Variants in PYY observed in about 807,000 individuals in gnomAD.
PYY encodes the protein peptide tyrosine tyrosine.
In PYY, 12 loss-of-function variants were observed where a neutral mutation model predicts 10.3. The ratio of observed to expected loss-of-function variants is 1.17; its 90% CI spans 0.75 to 1.89. PYY has a LOEUF of 1.89. Ranked by LOEUF, PYY falls within the 40% of genes most tolerant of loss-of-function variation. The pLI, the probability that PYY is intolerant of heterozygous loss-of-function variation, is 0.00. For synonymous variants in PYY, 66 were observed against 62.0 expected, an observed-to-expected ratio of 1.06 and a Z score of -0.30; for missense variants, 141 against 134.0, an observed-to-expected ratio of 1.05 and a Z score of -0.26.
At chr17:44,002,639 T>C (rs1003762309) in intron 1 of PYY, among the ~76,000 whole-genome samples, 8 of 152,238 alleles carry the variant, frequency 5.3e-5, no homozygotes, top group Admixed American at 4.6e-4. Flanking sequence ...TTCAACTCCT[T>C]TCCAAAACTT....
intron 1 of PYY, among the ~76,000 whole-genome samples, chr17:44,004,232 C>G (rs1205747555): frequency 6.7e-6 from 1 of 148,244 alleles, no homozygotes; most frequent in East Asian, 2.0e-4. Flanking sequence ...CACCCGCCCC[C>G]GCCCTCCCAC....
At chr17:43,997,019 A>T (rs1684659) in intron 1 of PYY, among the ~76,000 whole-genome samples, 149,823 of 151,816 alleles carry the variant, frequency 0.99, 73,948 homozygotes, top group Middle Eastern at 1. Flanking sequence ...TTTTGGGGTG[A>T]TGTTGTTGTT....
intron 2 of PYY, among the ~76,000 whole-genome samples, chr17:43,959,885 T>C (rs1487076176): frequency 6.6e-6 from 1 of 152,174 alleles, no homozygotes; most frequent in African/African-American, 2.4e-5. Flanking sequence ...GAAACTCAAG[T>C]CCTGAAAGAG....
At chr17:43,967,683 C>T (rs1403262695) in intron 1 of PYY, among the ~76,000 whole-genome samples, 1 of 152,226 alleles carries the variant, frequency 6.6e-6, no homozygotes, top group Non-Finnish European at 1.5e-5. Context: ...CCTGTCTCTC[C>T]TGCTGAATGC....
In PYY at chr17:43,975,715, G is replaced by GA. The variant is rs1173879627; in HGVS notation, c.-462-9184dup. ...GCCTGGGTGACAGGAGTAAGACCCTGAAAAAAAAAAATATATATATATATA... is the reference window on the plus strand; with the variant it reads ...GCCTGGGTGACAGGAGTAAGACCCTGAAAAAAAAAAAATATATATATATATA... On this transcript the variant is annotated intron_variant, in intron 1 of 6. Transcript: ENST00000360085. Among the ~76,000 whole-genome samples, 177 of 67,688 alleles carry GA rather than the reference G, an allele frequency of 2.6e-3. 30 individuals are homozygous for GA. Among genetic ancestry groups the GA allele is most frequent in the African/African-American group, 8.4e-3 (117 of 13,852 alleles). 44.4% of individuals were successfully genotyped at this position (67,688 alleles called of 152,430 possible).
At chr17:43,978,251 A>C (rs569132125) in intron 1 of PYY, among the ~76,000 whole-genome samples, 1 of 150,632 alleles carries the variant, frequency 6.6e-6, no homozygotes, top group Non-Finnish European at 1.5e-5. Flanking sequence ...GAAAGAAGGA[A>C]AGAAAGAGAA....
At chr17:43,991,350 G>C (rs558092781) in intron 1 of PYY, among the ~76,000 whole-genome samples, 19 of 152,234 alleles carry the variant, frequency 1.2e-4, no homozygotes, top group Admixed American at 4.6e-4. Flanking sequence ...AGAAACACTT[G>C]AACCCAGGAG....
At chr17:43,958,384 G>A (rs1199387977), upstream of PYY, among the ~76,000 whole-genome samples, 2 of 151,180 alleles carry the variant, frequency 1.3e-5, no homozygotes, top group African/African-American at 4.9e-5. Context: ...GACCTAAAAG[G>A]CATTTTTTTT....
At chr17:43,977,848 C>T (rs2048858844) in intron 1 of PYY, among the ~76,000 whole-genome samples, 2 of 152,246 alleles carry the variant, frequency 1.3e-5, no homozygotes, top group East Asian at 3.9e-4. Context: ...AAACGGGGTT[C>T]CTCAGTGAGC....
chr17:43,984,156 A>AG (rs920688643), intron 1 of PYY, among the ~76,000 whole-genome samples: 3 of 135,018 alleles, frequency 2.2e-5, no homozygotes, highest in East Asian at 5.2e-4. Context: ...GGTCGCTGTT[A>AG]GGGGGGGCGC....
intron 1 of PYY, among the ~76,000 whole-genome samples, chr17:43,993,044 C>T (rs529420269): frequency 2.0e-5 from 3 of 151,966 alleles, no homozygotes; most frequent in South Asian, 2.1e-4. Flanking sequence ...CCGGGCGCTG[C>T]GACGCACACC....
At chr17:43,993,643 G>T (rs2048972412) in intron 1 of PYY, among the ~76,000 whole-genome samples, 1 of 151,472 alleles carries the variant, frequency 6.6e-6, no homozygotes, top group South Asian at 2.1e-4. Flanking sequence ...AAAAAATGCT[G>T]TGACATACTG....
intron 1 of PYY, among the ~76,000 whole-genome samples, chr17:43,967,415 C>T (rs1177221893): frequency 2.0e-5 from 3 of 152,286 alleles, no homozygotes; most frequent in African/African-American, 7.2e-5. Context: ...CAGGCGAGCC[C>T]CATACCTCAC....
At chr17:43,956,091 A>G (rs1250919002), upstream of PYY, among the ~76,000 whole-genome samples, 1 of 152,118 alleles carries the variant, frequency 6.6e-6, no homozygotes, top group Non-Finnish European at 1.5e-5. Flanking sequence ...GGGAATGTGG[A>G]GTCCAAGGAC....
At chr17:44,003,666 C>CAAA (rs1340134026) in intron 1 of PYY, among the ~76,000 whole-genome samples, 1 of 57,892 alleles carries the variant, frequency 1.7e-5, no homozygotes, top group Non-Finnish European at 3.4e-5. Context: ...AACAAACAAA[C>CAAA]AAACAAAAAA....
chr17:44,001,294 T>C (rs534382363), intron 1 of PYY, among the ~76,000 whole-genome samples: 2 of 152,236 alleles, frequency 1.3e-5, no homozygotes, highest in South Asian at 4.2e-4. Context: ...AAGTTATGTC[T>C]CTGCTCCCAG....
intron 1 of PYY, among the ~76,000 whole-genome samples, chr17:43,989,355 C>G (rs1014985661): frequency 2.3e-4 from 35 of 151,960 alleles, no homozygotes; most frequent in African/African-American, 8.2e-4. Flanking sequence ...GCCTGGGTGA[C>G]AGAGCAAGAC....
intron 1 of PYY, among the ~76,000 whole-genome samples, chr17:43,990,438 C>CAAAAA (rs59522069): frequency 3.2e-5 from 3 of 92,788 alleles, no homozygotes; most frequent in African/African-American, 8.0e-5. Flanking sequence ...GACTCCATCT[C>CAAAAA]AAAAAAAAAA....
At chr17:43,963,618 GAA>G in intron 2 of PYY, among the ~76,000 whole-genome samples, 3 of 76,136 alleles carry the variant, frequency 3.9e-5, no homozygotes, top group African/African-American at 7.8e-5. Flanking sequence ...AAGAAAGAAA[GAA>G]AGAAAGAGAA....
Sources: allele counts gnomAD v4.1 joint callset (sites outside exome capture counted in the v4.1 genomes callset), GRCh38; gene constraint gnomAD v4.1.1; transcripts MANE v1.5; gene names NCBI Gene and HGNC (gene_info 2026-07-23, HGNC 2026-07-21).